Variants in FNIP2 observed in about 807,000 individuals in gnomAD.
FNIP2 encodes folliculin-interacting protein 2.
A neutral mutation model predicts 108.7 loss-of-function variants in FNIP2; 32 were observed. The ratio of observed to expected loss-of-function variants is 0.29; its 90% CI spans 0.22 to 0.40. The LOEUF (loss-of-function observed/expected upper bound fraction) is 0.40. FNIP2 is among the 10% of genes least tolerant of loss of function. The probability of loss-of-function intolerance (pLI) is 1.00; values close to 1 mark genes in which losing one functional copy is unlikely to be tolerated. For synonymous variants in FNIP2, 480 were observed against 496.7 expected, an observed-to-expected ratio of 0.97 and a Z score of 0.45; for missense variants, 1,202 against 1,381.6, an observed-to-expected ratio of 0.87 and a Z score of 2.06.
At chr4:158,776,399 T>A (rs1424437121) in intron 1 of FNIP2, among the ~76,000 whole-genome samples, 4 of 152,230 alleles carry the variant, frequency 2.6e-5, no homozygotes, top group African/African-American at 7.2e-5. Context: ...ACCAGTTCAA[T>A]TGATTCTGGC....
rs762072749 is a variant in FNIP2, at chr4:158,891,531, A to T, written c.3035A>T (p.Gln1012Leu). The T allele has an allele frequency of 6.2e-7, 1 of 1,611,076 alleles. No homozygotes were observed. Among genetic ancestry groups the T allele is most frequent in the South Asian group, 1.1e-5 (1 of 90,348 alleles). ...TGGAGTGTGCAGGTAGCTACAAGTC[A>T]GAGGAAAGTGACGGACAACATGAAA... ...DKWSVQVATS[Q>L]RKVTDNMKLG... The change falls in exon 15 of 17, where the codon CAG (glutamine) becomes CTG (leucine). Residue 1012 changes from glutamine to leucine, a missense_variant. This residue lies in a region of FNIP2 where 142 missense variants were observed against 183.8 expected (regional missense o/e 0.77). Coordinates refer to ENST00000264433, the MANE Select transcript of FNIP2 (RefSeq NM_020840.3).
intron 12 of FNIP2, among the ~76,000 whole-genome samples, chr4:158,867,365 G>A (rs774289874): frequency 2.0e-5 from 3 of 152,090 alleles, no homozygotes; most frequent in Non-Finnish European, 4.4e-5. Context: ...CCTAATTTTT[G>A]TATTTTGGGT....
intron 2 of FNIP2, among the ~76,000 whole-genome samples, chr4:158,827,633 A>G (rs1329353879): frequency 1.3e-5 from 2 of 152,166 alleles, no homozygotes; most frequent in African/African-American, 4.8e-5. Flanking sequence ...ACCTCGTGTC[A>G]CTTAGGCCCT....
At chr4:158,892,229 C>T (rs1782324527) in intron 15 of FNIP2, among the ~76,000 whole-genome samples, 1 of 149,920 alleles carries the variant, frequency 6.7e-6, no homozygotes, top group South Asian at 2.1e-4. Flanking sequence ...CCTCCGCCTC[C>T]TGGGCTCAAG....
chr4:158,894,829 C>T (rs1419784425), intron 15 of FNIP2, among the ~76,000 whole-genome samples: 1 of 152,014 alleles, frequency 6.6e-6, no homozygotes, highest in Non-Finnish European at 1.5e-5. Flanking sequence ...GATTTTAAAC[C>T]AATGAAAAAC....
intron 7 of FNIP2, among the ~76,000 whole-genome samples, chr4:158,848,304 C>T (rs1378881674): frequency 1.3e-5 from 2 of 152,166 alleles, no homozygotes; most frequent in African/African-American, 2.4e-5. Flanking sequence ...AAAGAGACTC[C>T]ATTTGTTTGG....
chr4:158,880,117 C>A (rs2126739153), intron 14 of FNIP2, among the ~76,000 whole-genome samples: 1 of 150,214 alleles, frequency 6.7e-6, no homozygotes, highest in East Asian at 2.0e-4. Context: ...GATTATAAAT[C>A]ATGCTGCTAT....
intron 12 of FNIP2, among the ~76,000 whole-genome samples, chr4:158,864,242 C>G (rs1292960696): frequency 1.3e-5 from 2 of 152,068 alleles, no homozygotes; most frequent in Non-Finnish European, 2.9e-5. Context: ...GCAGGCTGGT[C>G]GCTGGTCTTG....
intron 14 of FNIP2, among the ~76,000 whole-genome samples, chr4:158,881,252 C>G: frequency 6.7e-6 from 1 of 150,226 alleles, no homozygotes; most frequent in African/African-American, 2.5e-5. Flanking sequence ...CCACGGTCTC[C>G]CTCTCCCTCT....
intron 12 of FNIP2, among the ~76,000 whole-genome samples, chr4:158,866,093 C>T (rs894490964): frequency 6.7e-6 from 1 of 149,898 alleles, no homozygotes; most frequent in Non-Finnish European, 1.5e-5. Context: ...TGCTTTCCCT[C>T]CTCTCTAGAT....
At chr4:158,878,494 G>A (rs1050858480) in intron 14 of FNIP2, among the ~76,000 whole-genome samples, 3 of 152,140 alleles carry the variant, frequency 2.0e-5, no homozygotes, top group Admixed American at 2.0e-4. Flanking sequence ...TATTCTACCC[G>A]AGTGATTTGC....
intron 8 of FNIP2, among the ~76,000 whole-genome samples, chr4:158,856,852 G>GA (rs1306461013): frequency 2.0e-5 from 3 of 152,120 alleles, no homozygotes; most frequent in African/African-American, 7.2e-5. Flanking sequence ...TTAAATTTTT[G>GA]AAAACATTCT....
At chr4:158,872,584 G>A (rs1343169899) in intron 14 of FNIP2, 2 of 985,208 alleles carry the variant, frequency 2.0e-6, no homozygotes, top group Non-Finnish European at 2.4e-6. Flanking sequence ...ATTCCAAAGG[G>A]TTCATAAAAA....
At chr4:158,808,931 G>A in intron 1 of FNIP2, among the ~76,000 whole-genome samples, 1 of 152,286 alleles carries the variant, frequency 6.6e-6, no homozygotes, top group South Asian at 2.1e-4. Flanking sequence ...CGGAAACAGT[G>A]CAGAAAGAAA....
intron 1 of FNIP2, 71 bp downstream of exon 1, chr4:158,769,390 G>A (rs1185620472): frequency 2.7e-6 from 3 of 1,100,142 alleles, no homozygotes; most frequent in Non-Finnish European, 3.7e-6. Flanking sequence ...GGGAGGGGAC[G>A]GGTAGGGGAA....
At chr4:158,790,224 G>A (rs1034459704) in intron 1 of FNIP2, among the ~76,000 whole-genome samples, 6 of 150,770 alleles carry the variant, frequency 4.0e-5, no homozygotes, top group South Asian at 2.1e-4. Context: ...CGCCAAATCC[G>A]AAACACTTCT....
chr4:158,814,322 C>T (rs1233519491), intron 1 of FNIP2, among the ~76,000 whole-genome samples: 1 of 152,228 alleles, frequency 6.6e-6, no homozygotes, highest in Non-Finnish European at 1.5e-5. Flanking sequence ...CTGGACATAA[C>T]CTTGTTAAAG....
intron 14 of FNIP2, among the ~76,000 whole-genome samples, chr4:158,885,259 G>A (rs1011839182): frequency 6.6e-6 from 1 of 152,102 alleles, no homozygotes; most frequent in African/African-American, 2.4e-5. Context: ...CCCCTTCCTC[G>A]ACATGGGATT....
intron 12 of FNIP2, among the ~76,000 whole-genome samples, chr4:158,864,082 G>A (rs1780445143): frequency 6.6e-6 from 1 of 152,104 alleles, no homozygotes; most frequent in Admixed American, 6.5e-5. Context: ...CACCCAGGCT[G>A]GAGTTCAGTG....
Sources: allele counts gnomAD v4.1 joint callset (sites outside exome capture counted in the v4.1 genomes callset), GRCh38; gene constraint gnomAD v4.1.1; regional missense constraint gnomAD v4.1.1; transcripts MANE v1.5; gene names NCBI Gene and HGNC (gene_info 2026-07-23, HGNC 2026-07-21).